Variants in PRKAR1B observed in about 807,000 individuals in gnomAD.
PRKAR1B encodes the protein cAMP-dependent protein kinase type I-beta regulatory subunit.
PRKAR1B carries 22 observed loss-of-function variants against 46.5 expected under a neutral mutation model. That is an observed-to-expected ratio of 0.47 (90% CI 0.34 to 0.68). PRKAR1B has a LOEUF of 0.68. Ranked by LOEUF, PRKAR1B falls within the 30% of genes least tolerant of loss-of-function variation. PRKAR1B has a pLI of 0.01. For missense variants in PRKAR1B, 445 were observed against 535.6 expected (o/e 0.83, Z 1.67); for synonymous variants, 259 against 217.7 (o/e 1.19, Z -1.67).
At chr7:649,997 T>G (rs986221107) in intron 4 of PRKAR1B, among the ~76,000 whole-genome samples, 2 of 147,050 alleles carry the variant, frequency 1.4e-5, no homozygotes, top group East Asian at 2.0e-4. Flanking sequence ...TTTTTTTTTT[T>G]GTAGAGATTA....
At chr7:664,753 T>G (rs1426892748) in intron 4 of PRKAR1B, among the ~76,000 whole-genome samples, 1 of 137,160 alleles carries the variant, frequency 7.3e-6, no homozygotes, top group Non-Finnish European at 1.6e-5. Flanking sequence ...CTACAAAAAC[T>G]AAAAAAAAAA....
chr7:654,810 C>T (rs1477494625), intron 4 of PRKAR1B, among the ~76,000 whole-genome samples: 2 of 152,120 alleles, frequency 1.3e-5, no homozygotes, highest in Non-Finnish European at 2.9e-5. Context: ...ATTTTTATCA[C>T]CATTACCATC....
Position 680,745 on chromosome 7 carries a change from C to G in PRKAR1B, c.178-19G>C, listed in dbSNP as rs1456280519. 6.2e-7 allele frequency: 1 copy of G among 1,612,532 alleles called. No individual in the cohort carries two copies. Among genetic ancestry groups the G allele is most frequent in the South Asian group, 1.1e-5 (1 of 91,056 alleles). On this transcript the variant is annotated intron_variant, in intron 2 of 10. Coordinates refer to ENST00000537384, the MANE Select transcript of PRKAR1B (RefSeq NM_001164760.2). ...TTTCTTCCTGTGTGGGAGAGGAAAA[C>G]ACAGAAAGGAAGTAAGAACCTGGCT...
chr7:576,404 C>G (rs1441343481), intron 9 of PRKAR1B, among the ~76,000 whole-genome samples: 3 of 152,338 alleles, frequency 2.0e-5, no homozygotes, highest in African/African-American at 7.2e-5. Context: ...GAGTCCTCTA[C>G]TCTACCGACC....
At chr7:704,615 A>G (rs1396881295) in intron 2 of PRKAR1B, among the ~76,000 whole-genome samples, 3 of 152,074 alleles carry the variant, frequency 2.0e-5, no homozygotes, top group Non-Finnish European at 2.9e-5. Flanking sequence ...GTCCCCACCA[A>G]AAATACAAAA....
intron 4 of PRKAR1B, among the ~76,000 whole-genome samples, chr7:638,955 G>A (rs1001759391): frequency 2.6e-5 from 4 of 152,276 alleles, no homozygotes; most frequent in Non-Finnish European, 4.4e-5. Flanking sequence ...GTGGGCACCT[G>A]TAATCCCAGC....
At chr7:718,330 G>GTATA (rs146416897) in intron 1 of PRKAR1B, among the ~76,000 whole-genome samples, 2,656 of 137,884 alleles carry the variant, frequency 0.019, 42 homozygotes, top group East Asian at 0.11. Flanking sequence ...ATGTATGTAT[G>GTATA]TATATATATA....
chr7:633,389 G>A (rs994802090), intron 4 of PRKAR1B, among the ~76,000 whole-genome samples: 10 of 152,292 alleles, frequency 6.6e-5, no homozygotes, highest in African/African-American at 2.2e-4. Flanking sequence ...ACCCAGGAAG[G>A]CGGCAAGACT....
At chr7:695,382 T>C (rs1345162629) in intron 2 of PRKAR1B, among the ~76,000 whole-genome samples, 2 of 152,084 alleles carry the variant, frequency 1.3e-5, no homozygotes, top group Non-Finnish European at 2.9e-5. Context: ...AGAAAATATC[T>C]GGGCGGGTCC....
At position 656,415 on chromosome 7, in the gene PRKAR1B, G is replaced by A. The variant is rs181823644; in HGVS notation, c.440+20814C>T. On this transcript the variant is annotated intron_variant, in intron 4 of 10. Coordinates refer to ENST00000537384, the MANE Select transcript of PRKAR1B (RefSeq NM_001164760.2). ...TAGATGAAGAAATGAATGTATGAATGGATAGATAAATGAATGGATAAGTGG... is the reference window on the plus strand; with the variant it reads ...TAGATGAAGAAATGAATGTATGAATAGATAGATAAATGAATGGATAAGTGG... Among the ~76,000 whole-genome samples the A allele has an allele frequency of 3.6e-4, 55 of 152,290 alleles. 2 individuals are homozygous for A. In the East Asian group the frequency reaches 7.3e-3, roughly 20 times the overall value.
intron 6 of PRKAR1B, among the ~76,000 whole-genome samples, chr7:597,741 T>C (rs1228047630): frequency 6.6e-6 from 1 of 152,180 alleles, no homozygotes; most frequent in African/African-American, 2.4e-5. Flanking sequence ...GGGCCTGCGA[T>C]GGCCGGGGCA....
intron 2 of PRKAR1B, among the ~76,000 whole-genome samples, chr7:687,214 C>A (rs1279387813): frequency 2.0e-5 from 3 of 152,174 alleles, no homozygotes; most frequent in African/African-American, 7.2e-5. Context: ...GAGACAAGAT[C>A]ATGTAATCAA....
chr7:671,869 T>C (rs1304363624), intron 4 of PRKAR1B, among the ~76,000 whole-genome samples: 2 of 152,230 alleles, frequency 1.3e-5, no homozygotes, highest in Non-Finnish European at 1.5e-5. Context: ...TTGCTGCAGC[T>C]GTGCCATGCC....
At chr7:624,275 A>C (rs1019128027) in intron 4 of PRKAR1B, among the ~76,000 whole-genome samples, 12 of 152,138 alleles carry the variant, frequency 7.9e-5, no homozygotes, top group Non-Finnish European at 1.6e-4. Context: ...TCTACTAAAA[A>C]TACAAACATT....
intron 4 of PRKAR1B, chr7:608,227 G>A (rs1562559161): frequency 1.3e-5 from 2 of 152,326 alleles, no homozygotes; most frequent in Non-Finnish European, 2.9e-5. Flanking sequence ...CCCTCAAAGA[G>A]CACTCAGCCC....
intron 4 of PRKAR1B, among the ~76,000 whole-genome samples, chr7:641,459 G>A (rs894930392): frequency 2.0e-5 from 3 of 152,174 alleles, no homozygotes; most frequent in African/African-American, 7.2e-5. Context: ...AGATGACGCC[G>A]TATTGTTCAT....
In PRKAR1B at chr7:715,877, G is replaced by A. The variant is rs570653618; in HGVS notation, c.-22-4350C>T. 2.2e-3 allele frequency among the ~76,000 whole-genome samples: 334 copies of A among 152,062 alleles called. 1 individual carries two copies. Among genetic ancestry groups the A allele is most frequent in the African/African-American group, 6.9e-3 (286 of 41,518 alleles). On this transcript the variant is annotated intron_variant, in intron 1 of 10. Transcript: ENST00000537384. ...ACTACAGGCGCCCGCCACCGCGCCC[G>A]GCTAATTTTTTGTATTTTTAGTAGA...
At chr7:566,546 C>A (rs542286494) in intron 9 of PRKAR1B, among the ~76,000 whole-genome samples, 351 of 151,734 alleles carry the variant, frequency 2.3e-3, no homozygotes, top group Non-Finnish European at 4.1e-3. Flanking sequence ...ACCACCATCA[C>A]CATCATTGTC....
chr7:605,872 A>G (rs944804061), intron 6 of PRKAR1B, among the ~76,000 whole-genome samples: 37 of 152,236 alleles, frequency 2.4e-4, no homozygotes, highest in African/African-American at 8.4e-4. Flanking sequence ...TCGGCCTCGG[A>G]TCTGGAGACG....
Sources: gnomAD v4.1 joint callset for allele counts (sites outside exome capture counted in the v4.1 genomes callset) on GRCh38, gnomAD v4.1.1 for gene constraint, MANE v1.5 for transcripts, NCBI Gene and HGNC (gene_info 2026-07-23, HGNC 2026-07-21) for gene names.